The following FMNL2 variants were observed in gnomAD, a reference collection of about 807,000 sequenced individuals.
FMNL2 encodes the protein formin-like protein 2.
FMNL2 carries 51 observed loss-of-function variants against 130.2 expected under a neutral mutation model. That is an observed-to-expected ratio of 0.39 (90% CI 0.31 to 0.49). FMNL2 has a LOEUF of 0.49. FMNL2 is among the 20% of genes least tolerant of loss of function. The pLI is 0.85. For synonymous variants in FMNL2, 465 were observed against 467.1 expected (o/e 1.00, Z 0.06); for missense variants, 977 against 1,316.2 (o/e 0.74, Z 3.99).
chr2:152,522,683 G>A (rs1693161929), intron 2 of FMNL2, among the ~76,000 whole-genome samples: 2 of 152,162 alleles, frequency 1.3e-5, no homozygotes. Context: ...TATGAGACAT[G>A]CCTTTCACCT....
At chr2:152,381,392 T>C (rs1046082525) in intron 1 of FMNL2, among the ~76,000 whole-genome samples, 13 of 152,196 alleles carry the variant, frequency 8.5e-5, no homozygotes, top group Admixed American at 7.9e-4. Flanking sequence ...CTGTGCCCTC[T>C]TCCAGAAGGG....
At chr2:152,522,052 A>G (rs749116025) in intron 2 of FMNL2, 26 bp downstream of exon 2, 9 of 1,571,064 alleles carry the variant, frequency 5.7e-6, no homozygotes, top group African/African-American at 2.7e-5. Context: ...ACTTTCTTTT[A>G]TGAAAAAAGT....
chr2:152,544,636 T>C (rs1694516546), intron 3 of FMNL2, among the ~76,000 whole-genome samples: 1 of 152,146 alleles, frequency 6.6e-6, no homozygotes, highest in Non-Finnish European at 1.5e-5. Context: ...GTGGCAGAGA[T>C]GCTGATGTTT....
chr2:152,644,890 A>G (rs901269021), intron 25 of FMNL2, among the ~76,000 whole-genome samples: 7 of 152,224 alleles, frequency 4.6e-5, no homozygotes, highest in African/African-American at 1.7e-4. Flanking sequence ...TTTGATGCCT[A>G]ATAAGAAACG....
intron 1 of FMNL2, among the ~76,000 whole-genome samples, chr2:152,414,406 T>C (rs540579627): frequency 1.6e-4 from 25 of 152,324 alleles, no homozygotes; most frequent in Admixed American, 5.2e-4. Context: ...AACCTGTTTG[T>C]AACTTTCATT....
chr2:152,647,675 G>A, intron 25 of FMNL2, 121 bp from the exon 26 acceptor site: 1 of 816,304 alleles, frequency 1.2e-6, no homozygotes, highest in South Asian at 1.4e-5. Flanking sequence ...TGAGTTTGAA[G>A]GGCCCATTAG....
chr2:152,619,062 G>C lies in FMNL2; in HGVS notation c.1531G>C (p.Gly511Arg), dbSNP rs1699096594. The C allele has an allele frequency of 2.5e-6, 4 of 1,613,940 alleles. No individual in the cohort carries two copies. Among genetic ancestry groups the C allele is most frequent in the Non-Finnish European group, 2.5e-6 (3 of 1,179,814 alleles). The change falls in exon 14 of 26, where the codon GGT becomes CGT. Residue 511 changes from glycine to arginine, a missense_variant. Around this residue, in one of 4 missense-constraint regions of FMNL2, gnomAD observed 689 missense variants for 995.9 expected, o/e 0.69. Transcript: ENST00000288670. ...TLSMGSEVVA[G>R]NSVGPTMGAA... ...GTCCATGGGGTCAGAAGTGGTAGCA[G>C]GTAACTCTGTGGGACCCACAATGGG...
At chr2:152,631,392 C>CAAAAAA (rs33966314) in intron 20 of FMNL2, among the ~76,000 whole-genome samples, 5 of 77,234 alleles carry the variant, frequency 6.5e-5, no homozygotes, top group African/African-American at 1.6e-4. Context: ...GACTCCATCT[C>CAAAAAA]AAAAAAAAAA....
intron 1 of FMNL2, among the ~76,000 whole-genome samples, chr2:152,436,100 C>T (rs34027587): frequency 0.1 from 15,314 of 151,882 alleles, 1,163 homozygotes; most frequent in Admixed American, 0.23. Context: ...AAACACCACG[C>T]GGTATTGCAA....
chr2:152,599,853 A>T (rs1250461379), intron 9 of FMNL2, among the ~76,000 whole-genome samples: 1 of 152,192 alleles, frequency 6.6e-6, no homozygotes, highest in Non-Finnish European at 1.5e-5. Flanking sequence ...AGCTGGATGA[A>T]CATATTCACA....
At chr2:152,601,887 C>A (rs561341480) in intron 9 of FMNL2, among the ~76,000 whole-genome samples, 2 of 152,078 alleles carry the variant, frequency 1.3e-5, no homozygotes, top group African/African-American at 4.8e-5. Context: ...CCAGGCTGGT[C>A]TCAAACTCCT....
intron 1 of FMNL2, among the ~76,000 whole-genome samples, chr2:152,338,552 A>G (rs1681608287): frequency 6.6e-6 from 1 of 152,152 alleles, no homozygotes; most frequent in Admixed American, 6.5e-5. Context: ...GTATGAATGG[A>G]AATGAGAGAA....
At chr2:152,455,725 T>C (rs1354681997) in intron 1 of FMNL2, among the ~76,000 whole-genome samples, 1 of 152,222 alleles carries the variant, frequency 6.6e-6, no homozygotes, top group Non-Finnish European at 1.5e-5. Flanking sequence ...ATTTTTCTTT[T>C]GTTTTTTGAG....
At chr2:152,596,289 G>A (rs370274245) in intron 9 of FMNL2, among the ~76,000 whole-genome samples, 14 of 152,264 alleles carry the variant, frequency 9.2e-5, no homozygotes, top group African/African-American at 2.9e-4. Context: ...TTGGAAAATG[G>A]TGGAGGGCTC....
intron 10 of FMNL2, among the ~76,000 whole-genome samples, chr2:152,610,846 A>G (rs1051407925): frequency 6.6e-6 from 1 of 152,208 alleles, no homozygotes; most frequent in Non-Finnish European, 1.5e-5. Context: ...TGTGTTTATC[A>G]TTTTGAGTAA....
At chr2:152,584,574 C>G (rs118006647) in intron 9 of FMNL2, among the ~76,000 whole-genome samples, 5 of 152,148 alleles carry the variant, frequency 3.3e-5, no homozygotes, top group Non-Finnish European at 5.9e-5. Flanking sequence ...AGCGTACTAA[C>G]GCAATATGGA....
At chr2:152,376,534 C>T (rs928016523) in intron 1 of FMNL2, among the ~76,000 whole-genome samples, 2 of 152,154 alleles carry the variant, frequency 1.3e-5, no homozygotes, top group African/African-American at 4.8e-5. Context: ...AGCTTTGAGC[C>T]AGGGATGTCT....
intron 23 of FMNL2, among the ~76,000 whole-genome samples, chr2:152,638,560 A>C (rs1053656354): frequency 6.6e-6 from 1 of 152,248 alleles, no homozygotes; most frequent in Non-Finnish European, 1.5e-5. Flanking sequence ...AAACTCAGAA[A>C]GTCAAAATAT....
chr2:152,521,232 T>A (rs1168100054), intron 1 of FMNL2, among the ~76,000 whole-genome samples: 1 of 152,150 alleles, frequency 6.6e-6, no homozygotes, highest in African/African-American at 2.4e-5. Flanking sequence ...CATGTGAAAG[T>A]ACCTGGGAAA....
Sources: gnomAD v4.1 joint callset for allele counts (sites outside exome capture counted in the v4.1 genomes callset) on GRCh38, gnomAD v4.1.1 for gene constraint, gnomAD v4.1.1 regional missense constraint, MANE v1.5 for transcripts, NCBI Gene and HGNC (gene_info 2026-07-23, HGNC 2026-07-21) for gene names.